Variants in MYO15B observed in about 807,000 individuals in gnomAD.
The protein encoded by MYO15B is myosin XVB pseudogene.
In MYO15B, 207 loss-of-function variants were observed where a neutral mutation model predicts 119.3. That is an observed-to-expected ratio of 1.73 (90% confidence interval 1.55 to 1.95). The LOEUF is 1.95. Ranked by LOEUF, MYO15B falls within the 30% of genes most tolerant of loss-of-function variation. The probability of loss-of-function intolerance (pLI) is 0.00; values close to 1 mark genes in which losing one functional copy is unlikely to be tolerated. For synonymous variants in MYO15B, 966 were observed against 498.9 expected (o/e 1.94, Z -12.48); for missense variants, 2,264 against 1,203.1 (o/e 1.88, Z -13.04).
At chr17:75,605,700 C>T (rs1041996263) in intron 20 of MYO15B, 79 bp downstream of exon 20, 96 of 682,818 alleles carry the variant, frequency 1.4e-4, no homozygotes, top group Admixed American at 2.0e-5. Flanking sequence ...AAGGGACAAA[C>T]CCAGGATTTG....
intron 12 of MYO15B, 123 bp from the exon 13 acceptor site, chr17:75,596,336 GT>G (rs1019862031): frequency 1.1e-5 from 7 of 626,850 alleles, no homozygotes; most frequent in African/African-American, 9.1e-5. Context: ...ACTTGACCCT[GT>G]TGGCTACACA....
chr17:75,594,803 C>T (rs1007016308), intron 11 of MYO15B, 37 bp from the exon 12 acceptor site: 33 of 702,544 alleles, frequency 4.7e-5, no homozygotes, highest in Non-Finnish European at 6.2e-5. Context: ...GCCCGAGGCA[C>T]GGCTCTATGT....
rs1244620238 is a variant in MYO15B, at chr17:75,589,243, C to T, written c.1186C>T (p.Gln396Ter). The change falls in exon 1 of 64, where the codon CAG (glutamine) becomes TAG (stop). Residue 396 changes from glutamine to a stop codon, truncating the protein, a stop_gained. Transcript: ENST00000645453. LOFTEE classifies it high-confidence loss of function. This position sits in a 1 kb window ranked among gnomAD's most constrained non-coding sequence, Gnocchi z 4.2. The stretch of plus-strand genomic sequence containing the variant: ...GCGGCGGCCGCCAGAGGGCGAGGGG[C>T]AGGGTACCGGGCCACGGGCGAGCGA... 7.5e-6 allele frequency: 3 copies of T among 401,160 alleles called. No homozygotes were observed. The highest frequency in any genetic ancestry group is 2.1e-5 in the African/African-American group (1 of 48,482). 24.9% of individuals were successfully genotyped at this position (401,160 alleles called of 1,614,324 possible).
chr17:75,592,039 T>C (rs1476177907), exon 6 of MYO15B: 2 of 702,728 alleles, frequency 2.8e-6, no homozygotes, highest in Admixed American at 4.0e-5. Context: ...TCAATGCCAA[T>C]GCCAGCCGCT....
At chr17:75,616,192 T>C (rs1231202060) in intron 37 of MYO15B, 45 bp downstream of exon 37, 1 of 567,462 alleles carries the variant, frequency 1.8e-6, no homozygotes. Flanking sequence ...ACATGGCCAG[T>C]GCCCCTGGCC....
exon 36 of MYO15B, chr17:75,615,773 C>T (rs752417045): frequency 5.3e-4 from 373 of 702,248 alleles, no homozygotes; most frequent in Non-Finnish European, 8.7e-4. Flanking sequence ...CTCGGGCCTC[C>T]GAGGCTGCGT....
Position 75,594,603 on chromosome 17 carries a change from C to A in MYO15B, c.3105+15C>A. ...GGAGGGTCACGGTGAGCCCGAGGGT[C>A]CTGGGGAGAGGGGCCTGGCCTGGCT... On this transcript the variant is annotated intron_variant, in intron 10 of 63. Transcript: ENST00000645453. 1 of 686,466 alleles carries A rather than the reference C, an allele frequency of 1.5e-6. No homozygotes were observed. The highest frequency in any genetic ancestry group is 2.7e-6 in the Non-Finnish European group (1 of 376,094). 42.5% of individuals were successfully genotyped at this position (686,466 alleles called of 1,614,324 possible). A position where few individuals can be genotyped will look rare whatever the true frequency, so the allele number is the denominator to read the frequency against.
At chr17:75,615,518 C>T (rs139461606) in exon 35 of MYO15B, 250 of 698,108 alleles carry the variant, frequency 3.6e-4, no homozygotes, top group African/African-American at 3.2e-3. Context: ...GTGGTGCCGC[C>T]GCAGCCACCG....
intron 14 of MYO15B, among the ~76,000 whole-genome samples, chr17:75,597,984 CCGTGGGTGGG>C (rs1358526954): frequency 6.6e-6 from 1 of 151,964 alleles, no homozygotes; most frequent in African/African-American, 2.4e-5. Context: ...CTGTGCGGCT[CCGTGGGTGGG>C]CGTGTGGGGC....
At chr17:75,623,912 C>T (rs2148147940) in intron 54 of MYO15B, 37 bp from the exon 55 acceptor site, 1 of 702,762 alleles carries the variant, frequency 1.4e-6, no homozygotes, top group Non-Finnish European at 2.6e-6. Flanking sequence ...GGCACTGTGG[C>T]CTGGCCAGCC....
chr17:75,603,761 C>T (rs1661699), intron 19 of MYO15B, among the ~76,000 whole-genome samples: 25,831 of 151,888 alleles, frequency 0.17, 3,543 homozygotes, highest in African/African-American at 0.38. Flanking sequence ...TGCCAGGAAC[C>T]CCAGAGGCAG....
intron 43 of MYO15B, 199 bp from the exon 44 acceptor site, chr17:75,618,944 G>A: frequency 1.7e-6 from 1 of 600,978 alleles, no homozygotes. Context: ...GGAGGGGACA[G>A]GTGAGACGTG....
At chr17:75,620,407 C>T in intron 48 of MYO15B, 50 bp downstream of exon 48, 1 of 702,790 alleles carries the variant, frequency 1.4e-6, no homozygotes, top group Non-Finnish European at 2.6e-6. Context: ...ATCCACTTGG[C>T]AGAGGCTGCC....
chr17:75,605,812 C>A, intron 20 of MYO15B, 52 bp from the exon 21 acceptor site: 1 of 651,668 alleles, frequency 1.5e-6, no homozygotes, highest in South Asian at 1.6e-5. Flanking sequence ...AGGAGGAGAG[C>A]AGGAGGGGCT....
intron 59 of MYO15B, 46 bp from the exon 60 acceptor site, chr17:75,625,074 TGGG>T (rs2058950898): frequency 1.5e-6 from 1 of 663,990 alleles, no homozygotes; most frequent in African/African-American, 1.8e-5. Context: ...CACCAACTGA[TGGG>T]GGGCTTTGGA....
chr17:75,592,568 G>T, intron 8 of MYO15B, 27 bp downstream of exon 8: 1 of 615,612 alleles, frequency 1.6e-6, no homozygotes, highest in East Asian at 2.7e-5. Flanking sequence ...TGGTGCGGCG[G>T]GGAGGCCTGC....
At position 75,592,850 on chromosome 17, in the gene MYO15B, C is replaced by G. The variant is rs1208733534; in HGVS notation, c.2991+10C>G. On this transcript the variant is annotated intron_variant, in intron 9 of 63. Transcript: ENST00000645453. ...CTTCTCCTCCTCAGAGGTGGGCTTC[C>G]CCGTGGGCAGGGGCCATCTGGGGTG... The G allele has an allele frequency of 2.9e-6, 2 of 699,934 alleles. No individual in the cohort carries two copies. The highest frequency in any genetic ancestry group is 5.4e-5 in the East Asian group (2 of 37,196). 43.4% of individuals were successfully genotyped at this position (699,934 alleles called of 1,614,324 possible).
chr17:75,614,892 C>T (rs1006041808), intron 32 of MYO15B, 43 bp downstream of exon 32: 37 of 702,782 alleles, frequency 5.3e-5, no homozygotes, highest in East Asian at 5.1e-4. Context: ...CCCAACCCCC[C>T]GGGGCCTCTG....
At position 75,610,718 on chromosome 17, in the gene MYO15B, C is replaced by CA. The variant is rs1262172681; in HGVS notation, c.4387-181dup. 5.1e-6 allele frequency: 3 copies of CA among 589,054 alleles called. No homozygotes were observed. In the African/African-American group the frequency reaches 5.6e-5, roughly 11 times the overall value. 36.5% of individuals were successfully genotyped at this position (589,054 alleles called of 1,614,324 possible). On this transcript the variant is annotated intron_variant, in intron 22 of 63. Coordinates refer to ENST00000645453, the Ensembl canonical transcript of MYO15B. Reference sequence around the variant, plus strand: ...CCTGGCAGATGGGCACAGACGCCCACAGTGCTAAGGCTGGTGAGGGCCCTG... The same window carrying CA: ...CCTGGCAGATGGGCACAGACGCCCACAAGTGCTAAGGCTGGTGAGGGCCCTG...
Sources: allele counts gnomAD v4.1 joint callset (sites outside exome capture counted in the v4.1 genomes callset), GRCh38; gene constraint gnomAD v4.1.1; non-coding constraint Gnocchi (gnomAD v3.1); transcripts MANE v1.5; gene names NCBI Gene and HGNC (gene_info 2026-07-23, HGNC 2026-07-21).